The following SULT4A1 variants were observed in gnomAD, a reference collection of about 807,000 sequenced individuals.
SULT4A1 encodes the protein sulfotransferase 4A1.
In SULT4A1, 11 loss-of-function variants were observed where a neutral mutation model predicts 35.2. That is an observed-to-expected ratio of 0.31 (90% CI 0.20 to 0.52). The LOEUF is 0.52. Ranked by LOEUF, SULT4A1 falls within the 20% of genes least tolerant of loss-of-function variation. The pLI, the probability that SULT4A1 is intolerant of heterozygous loss-of-function variation, is 0.97. For synonymous variants in SULT4A1, 152 were observed against 151.8 expected (o/e 1.00, Z -0.01); for missense variants, 271 against 383.7 (o/e 0.71, Z 2.45).
intron 6 of SULT4A1, among the ~76,000 whole-genome samples, chr22:43,827,955 C>T (rs1026326307): frequency 2.0e-5 from 3 of 152,242 alleles, no homozygotes; most frequent in African/African-American, 7.2e-5. Flanking sequence ...GAGGAGTCCA[C>T]TGCTCTGCCT....
At chr22:43,840,480 T>G (rs1603406652) in intron 2 of SULT4A1, among the ~76,000 whole-genome samples, 1 of 151,684 alleles carries the variant, frequency 6.6e-6, no homozygotes, top group Non-Finnish European at 1.5e-5. Flanking sequence ...GAGACAAGGG[T>G]CCTTGACTTT....
chr22:43,858,732 C>T (rs1487881718), intron 1 of SULT4A1, among the ~76,000 whole-genome samples: 1 of 139,922 alleles, frequency 7.1e-6, no homozygotes. Context: ...CTCTCTTACC[C>T]CCTCCTGTGG....
At chr22:43,834,628 T>A (rs79301262) in intron 4 of SULT4A1, among the ~76,000 whole-genome samples, 1 of 40 alleles carries the variant, frequency 0.025, no homozygotes, top group Non-Finnish European at 0.056. Context: ...CGCGTCCCTG[T>A]GCTTCCCGCG....
chr22:43,828,414 T>TC (rs2063303269), intron 6 of SULT4A1, among the ~76,000 whole-genome samples: 1 of 152,182 alleles, frequency 6.6e-6, no homozygotes, highest in South Asian at 2.1e-4. Context: ...AGGAACACTG[T>TC]CCCCATCTCC....
At chr22:43,854,116 G>C (rs2049375051) in intron 1 of SULT4A1, among the ~76,000 whole-genome samples, 1 of 152,184 alleles carries the variant, frequency 6.6e-6, no homozygotes, top group African/African-American at 2.4e-5. Context: ...CATCAGTAGT[G>C]GTGATGATGG....
rs1473260075 is a variant in SULT4A1, at chr22:43,862,287, G to A, written c.96C>T (p.Arg32=). 4 of 1,572,166 alleles carry A rather than the reference G, an allele frequency of 2.5e-6. No individual in the cohort carries two copies. Among genetic ancestry groups the A allele is most frequent in the East Asian group, 2.5e-5 (1 of 40,530 alleles). Residue 32 remains arginine (R), a synonymous_variant, in exon 1 of 7, where the codon CGC becomes CGT. Coordinates refer to ENST00000330884, the MANE Select transcript of SULT4A1 (RefSeq NM_014351.4). ...AGTTGGCGATCTCCTCCATCTTCCC[G>A]CGGCAGAAGGGCGGCAGCCGCACGC... ...FHGVRLPPFC[R]GKMEEIANFP...
At chr22:43,844,017 G>A (rs754282185) in intron 1 of SULT4A1, among the ~76,000 whole-genome samples, 1 of 152,174 alleles carries the variant, frequency 6.6e-6, no homozygotes, top group Non-Finnish European at 1.5e-5. Flanking sequence ...GGGCAGTGCT[G>A]GAATTGAACT....
chr22:43,842,421 G>A (rs2063440587), intron 1 of SULT4A1, among the ~76,000 whole-genome samples: 1 of 152,196 alleles, frequency 6.6e-6, no homozygotes, highest in Non-Finnish European at 1.5e-5. Context: ...TTGTCCACCA[G>A]TACGCAGGTT....
chr22:43,840,610 C>T (rs1009073546), intron 2 of SULT4A1, among the ~76,000 whole-genome samples: 1 of 152,182 alleles, frequency 6.6e-6, no homozygotes, highest in African/African-American at 2.4e-5. Context: ...GGCACCAGCC[C>T]CAGTGGGTGC....
At chr22:43,852,515 A>T (rs1244888807) in intron 1 of SULT4A1, among the ~76,000 whole-genome samples, 1 of 152,074 alleles carries the variant, frequency 6.6e-6, no homozygotes, top group Non-Finnish European at 1.5e-5. Flanking sequence ...CATCAGGGCC[A>T]GGCAACAGCC....
chr22:43,828,524 C>T (rs2063303823), intron 6 of SULT4A1, among the ~76,000 whole-genome samples: 2 of 152,206 alleles, frequency 1.3e-5, no homozygotes, highest in Non-Finnish European at 2.9e-5. Context: ...TTCACCACCC[C>T]GAAGTGGGGC....
At chr22:43,857,525 T>C (rs540222137) in intron 1 of SULT4A1, among the ~76,000 whole-genome samples, 67 of 152,292 alleles carry the variant, frequency 4.4e-4, no homozygotes, top group African/African-American at 1.6e-3. Context: ...AAACATTTTC[T>C]AAGATAATGG....
intron 4 of SULT4A1, among the ~76,000 whole-genome samples, chr22:43,838,398 C>T (rs1292922432): frequency 6.6e-6 from 1 of 151,982 alleles, no homozygotes; most frequent in African/African-American, 2.4e-5. Flanking sequence ...GGCTGTCCTC[C>T]TCCCAGCGGG....
chr22:43,851,755 G>A (rs2049344067), intron 1 of SULT4A1, among the ~76,000 whole-genome samples: 1 of 152,140 alleles, frequency 6.6e-6, no homozygotes, highest in Non-Finnish European at 1.5e-5. Context: ...GCTGTCACAG[G>A]ACCCTCACAT....
intron 4 of SULT4A1, 151 bp downstream of exon 4, chr22:43,838,716 A>C (rs1490695911): frequency 9.9e-7 from 1 of 1,010,052 alleles, no homozygotes; most frequent in East Asian, 2.7e-5. Flanking sequence ...CCTCGGCCTC[A>C]GTGTCTTCAT....
intron 6 of SULT4A1, chr22:43,826,834 G>T (rs543761147): frequency 4.1e-6 from 4 of 985,434 alleles, no homozygotes; most frequent in Admixed American, 1.2e-4. Flanking sequence ...ACAATAAAAT[G>T]AGTCTGGGCA....
chr22:43,842,265 G>C (rs2063438612), intron 1 of SULT4A1, among the ~76,000 whole-genome samples: 1 of 152,172 alleles, frequency 6.6e-6, no homozygotes, highest in Admixed American at 6.5e-5. Context: ...GCTGAACTTG[G>C]CAGTTTACGC....
chr22:43,854,236 G>A (rs1045519176), intron 1 of SULT4A1, among the ~76,000 whole-genome samples: 2 of 152,196 alleles, frequency 1.3e-5, no homozygotes, highest in African/African-American at 2.4e-5. Context: ...CTCTGGGCAC[G>A]ACCATGTGAC....
chr22:43,849,409 T>A (rs1470091219), intron 1 of SULT4A1, among the ~76,000 whole-genome samples: 1 of 152,122 alleles, frequency 6.6e-6, no homozygotes. Context: ...GCTCAGATGT[T>A]ATCTCTTCCA....
Sources: gnomAD v4.1 joint callset for allele counts (sites outside exome capture counted in the v4.1 genomes callset) on GRCh38, gnomAD v4.1.1 for gene constraint, MANE v1.5 for transcripts, NCBI Gene and HGNC (gene_info 2026-07-23, HGNC 2026-07-21) for gene names.